Variants in AXDND1 observed in about 807,000 individuals in gnomAD.
AXDND1 encodes the protein axonemal dynein light chain domain containing 1.
AXDND1 carries 110 observed loss-of-function variants against 137.5 expected under a neutral mutation model. The observed-to-expected ratio is 0.80, with a 90% CI of 0.69 to 0.94. The LOEUF (loss-of-function observed/expected upper bound fraction) is 0.94. Ranked by LOEUF, AXDND1 falls within the 40% of genes least tolerant of loss-of-function variation. The pLI, the probability that AXDND1 is intolerant of heterozygous loss-of-function variation, is 0.00. For synonymous variants in AXDND1, 414 were observed against 399.7 expected (o/e 1.04, Z -0.43); for missense variants, 1,191 against 1,169.8 (o/e 1.02, Z -0.26).
rs77800846 is a variant in AXDND1 at position 179,409,828 on chromosome 1, C to T, written c.1110-1318C>T. ...AACTCTGTTTCAAAACAACAAAAAA[C>T]GAAACAAAACAAAAATAATATGATG... On this transcript the variant is annotated intron_variant, in intron 11 of 25. Transcript: ENST00000367618. Among the ~76,000 whole-genome samples the T allele has an allele frequency of 1.1e-4, 16 of 151,886 alleles. No individual in the cohort carries two copies. The East Asian group carries it at 2.5e-3, about 24-fold the overall frequency.
intron 8 of AXDND1, among the ~76,000 whole-genome samples, chr1:179,383,841 A>T (rs983202654): frequency 6.6e-6 from 1 of 152,190 alleles, no homozygotes; most frequent in Non-Finnish European, 1.5e-5. Context: ...AATATAAGGT[A>T]TCATTGATTG....
At chr1:179,499,799 G>C (rs1051648691) in intron 20 of AXDND1, among the ~76,000 whole-genome samples, 7 of 152,170 alleles carry the variant, frequency 4.6e-5, no homozygotes, top group Middle Eastern at 3.4e-3. Context: ...AAAGATAGTA[G>C]GAAGAGATTA....
At chr1:179,450,613 C>CA (rs1326592246) in intron 16 of AXDND1, 1 of 152,126 alleles carries the variant, frequency 6.6e-6, no homozygotes, top group East Asian at 1.9e-4. Context: ...TTTATTCTAT[C>CA]AGTAGGATAT....
chr1:179,464,565 A>G (rs570185019), intron 16 of AXDND1, among the ~76,000 whole-genome samples: 1 of 151,596 alleles, frequency 6.6e-6, no homozygotes, highest in East Asian at 1.9e-4. Context: ...CTTCATTTCA[A>G]CTTTGGTGAA....
intron 4 of AXDND1, among the ~76,000 whole-genome samples, chr1:179,375,660 TAACAA>T (rs1369382724): frequency 2.6e-5 from 4 of 152,030 alleles, no homozygotes. Context: ...CATTTTTAGC[TAACAA>T]AACAATTGTA....
chr1:179,502,562 TA>T (rs35740934), intron 20 of AXDND1, among the ~76,000 whole-genome samples: 18,456 of 80,916 alleles, frequency 0.23, 1,253 homozygotes, highest in African/African-American at 0.24. Context: ...AAACTCTGTC[TA>T]AAAAAAAAAA....
chr1:179,523,193 T>A (rs1670231119), intron 21 of AXDND1, among the ~76,000 whole-genome samples: 2 of 151,810 alleles, frequency 1.3e-5, no homozygotes, highest in African/African-American at 4.8e-5. Flanking sequence ...TTTGAAAATC[T>A]ATTATTGTTT....
intron 21 of AXDND1, among the ~76,000 whole-genome samples, chr1:179,509,750 T>G (rs919470575): frequency 6.6e-6 from 1 of 152,196 alleles, no homozygotes; most frequent in African/African-American, 2.4e-5. Flanking sequence ...TTAAGGTTAT[T>G]TCTTCCTTCG....
intron 23 of AXDND1, 25 bp downstream of exon 23, chr1:179,528,456 G>A (rs867636265): frequency 6.7e-7 from 1 of 1,500,852 alleles, no homozygotes; most frequent in Non-Finnish European, 9.3e-7. Context: ...CCCAGCTAGG[G>A]AATTCAACAC....
intron 16 of AXDND1, chr1:179,453,383 C>T (rs4290019): frequency 0.32 from 48,751 of 152,224 alleles, 8,182 homozygotes; most frequent in Middle Eastern, 0.41. Context: ...TGAAAGCAGC[C>T]GGGAGGCTGT....
chr1:179,380,882 A>G (rs1035321175), intron 6 of AXDND1, among the ~76,000 whole-genome samples: 7 of 152,152 alleles, frequency 4.6e-5, no homozygotes, highest in African/African-American at 1.7e-4. Context: ...GGTTGTTTAC[A>G]CTTTGTCTCA....
intron 20 of AXDND1, among the ~76,000 whole-genome samples, chr1:179,499,949 A>T (rs1486152296): frequency 1.3e-5 from 2 of 152,164 alleles, no homozygotes; most frequent in East Asian, 1.9e-4. Flanking sequence ...CCCCCAAAAG[A>T]TGCTCTAAGT....
chr1:179,526,068 AT>A (rs1421031791), intron 22 of AXDND1, among the ~76,000 whole-genome samples: 1 of 151,752 alleles, frequency 6.6e-6, no homozygotes, highest in Non-Finnish European at 1.5e-5. Context: ...CTCTGGTACT[AT>A]TTTTTTAGCC....
chr1:179,509,484 C>A, intron 21 of AXDND1, 81 bp downstream of exon 21: 2 of 912,836 alleles, frequency 2.2e-6, no homozygotes, highest in Non-Finnish European at 3.4e-6. Flanking sequence ...TTTTTCCAAT[C>A]AATGTTCTGA....
At chr1:179,413,900 C>T (rs1210489714) in intron 12 of AXDND1, among the ~76,000 whole-genome samples, 1 of 151,978 alleles carries the variant, frequency 6.6e-6, no homozygotes, top group African/African-American at 2.4e-5. Context: ...TCCTCGTCAA[C>T]ATCTGTTTTT....
chr1:179,462,110 C>T (rs1013336019), intron 16 of AXDND1, among the ~76,000 whole-genome samples: 1 of 152,146 alleles, frequency 6.6e-6, no homozygotes, highest in Admixed American at 6.5e-5. Flanking sequence ...GAGAGGGCAT[C>T]CTTGTCTTGT....
intron 22 of AXDND1, 87 bp from the exon 23 acceptor site, chr1:179,528,240 G>GGTGCCAGGAAACTTGCTACC (rs1186598147): frequency 9.3e-6 from 8 of 855,790 alleles, no homozygotes; most frequent in Non-Finnish European, 1.3e-5. Context: ...CTTCCAACAT[G>GGTGCCAGGAAACTTGCTACC]GTGCCAGGAA....
chr1:179,488,894 C>T (rs912380224), intron 18 of AXDND1, among the ~76,000 whole-genome samples: 1 of 145,492 alleles, frequency 6.9e-6, no homozygotes, highest in Non-Finnish European at 1.5e-5. Context: ...GCCACCACAC[C>T]AGGCCAATTT....
intron 11 of AXDND1, among the ~76,000 whole-genome samples, chr1:179,395,576 A>G (rs1467659370): frequency 1.3e-5 from 2 of 152,226 alleles, no homozygotes; most frequent in Non-Finnish European, 2.9e-5. Context: ...AAGTTTGCCC[A>G]TATGTAAAAT....
Sources: allele counts gnomAD v4.1 joint callset (sites outside exome capture counted in the v4.1 genomes callset), GRCh38; gene constraint gnomAD v4.1.1; transcripts MANE v1.5; gene names NCBI Gene and HGNC (gene_info 2026-07-23, HGNC 2026-07-21).